IMMP2L: variants seen among roughly 807,000 people sequenced by gnomAD.
IMMP2L encodes the protein inner mitochondrial membrane peptidase subunit 2.
A neutral mutation model predicts 19.3 loss-of-function variants in IMMP2L; 18 were observed. The ratio of observed to expected loss-of-function variants is 0.93; its 90% CI spans 0.64 to 1.38. The LOEUF is 1.38. IMMP2L is among the 40% of genes most tolerant of loss of function. The pLI is 0.00. For missense variants in IMMP2L, 233 were observed against 218.2 expected (o/e 1.07, Z -0.43); for synonymous variants, 76 against 73.0 (o/e 1.04, Z -0.21).
chr7:110,843,840 G>A (rs1301618925), intron 5 of IMMP2L, among the ~76,000 whole-genome samples: 1 of 152,130 alleles, frequency 6.6e-6, no homozygotes, highest in Non-Finnish European at 1.5e-5. Flanking sequence ...GAATATTCTG[G>A]ACTAAGGAAG....
intron 4 of IMMP2L, among the ~76,000 whole-genome samples, chr7:110,911,571 T>A (rs1023371674): frequency 6.6e-6 from 1 of 152,136 alleles, no homozygotes; most frequent in African/African-American, 2.4e-5. Flanking sequence ...TAAGAACTCC[T>A]AATAATCCAA....
intron 3 of IMMP2L, among the ~76,000 whole-genome samples, chr7:111,021,114 T>C (rs1432054339): frequency 1.3e-5 from 2 of 152,180 alleles, no homozygotes; most frequent in Non-Finnish European, 2.9e-5. Context: ...AGAATAACAC[T>C]GCTCAATATA....
intron 3 of IMMP2L, among the ~76,000 whole-genome samples, chr7:111,437,944 G>C (rs1288463650): frequency 6.6e-6 from 1 of 151,856 alleles, no homozygotes; most frequent in Non-Finnish European, 1.5e-5. Context: ...TAACAGTTCT[G>C]TGTCCTCCCT....
chr7:111,156,341 A>G (rs1804642533), intron 3 of IMMP2L, among the ~76,000 whole-genome samples: 1 of 152,102 alleles, frequency 6.6e-6, no homozygotes, highest in Non-Finnish European at 1.5e-5. Context: ...TAGTTGCTCC[A>G]CATCTTCCCT....
At chr7:111,269,576 C>T (rs2130205722) in intron 3 of IMMP2L, among the ~76,000 whole-genome samples, 1 of 151,770 alleles carries the variant, frequency 6.6e-6, no homozygotes, top group Non-Finnish European at 1.5e-5. Context: ...ACTATGAATA[C>T]AGTATTTTCT....
chr7:110,889,189 A>T (rs1181963036), intron 4 of IMMP2L, among the ~76,000 whole-genome samples: 1 of 152,114 alleles, frequency 6.6e-6, no homozygotes, highest in Non-Finnish European at 1.5e-5. Flanking sequence ...TTTTTCATGG[A>T]CCAGGGTGGA....
chr7:110,916,659 T>G (rs578163131), intron 4 of IMMP2L, among the ~76,000 whole-genome samples: 5 of 152,356 alleles, frequency 3.3e-5, no homozygotes, highest in Admixed American at 3.3e-4. Flanking sequence ...CTGGCAGGAA[T>G]GCCAAATAAT....
At chr7:110,952,450 G>A (rs1817929357) in intron 4 of IMMP2L, among the ~76,000 whole-genome samples, 1 of 152,108 alleles carries the variant, frequency 6.6e-6, no homozygotes, top group South Asian at 2.1e-4. Flanking sequence ...GCACTAACCA[G>A]CTCCAAGTGT....
rs1811595169 is a variant in IMMP2L, at chr7:111,213,813, A to T, written c.240-250248T>A. ...TTGAAGGAATGACCTGCCTGCGGAG[A>T]GCTATCCAACGTGGGTCTCCTCGGA... On this transcript the variant is annotated intron_variant, in intron 3 of 5. Transcript: ENST00000405709. The surrounding 1 kb of genome is among the most constrained non-coding windows in gnomAD (Gnocchi z 4.8). Among the ~76,000 whole-genome samples, 1 of 152,134 alleles carries T rather than the reference A, an allele frequency of 6.6e-6. No homozygotes were observed.
chr7:111,042,182 G>GT (rs771799957), intron 3 of IMMP2L, among the ~76,000 whole-genome samples: 1 of 151,834 alleles, frequency 6.6e-6, no homozygotes. Flanking sequence ...ACCATTTAAA[G>GT]TTTTTTCTTT....
intron 5 of IMMP2L, among the ~76,000 whole-genome samples, chr7:110,873,707 G>C (rs1382483053): frequency 6.6e-6 from 1 of 151,162 alleles, no homozygotes; most frequent in African/African-American, 2.4e-5. Flanking sequence ...CCAGGAGGCG[G>C]AGGTTGCAGT....
chr7:111,446,636 A>G (rs1323557837), intron 3 of IMMP2L, among the ~76,000 whole-genome samples: 2 of 152,184 alleles, frequency 1.3e-5, no homozygotes, highest in East Asian at 3.8e-4. Context: ...TGGAAACTCT[A>G]AAACACAGAG....
intron 3 of IMMP2L, among the ~76,000 whole-genome samples, chr7:111,043,839 C>T (rs1792124387): frequency 6.6e-6 from 1 of 152,198 alleles, no homozygotes; most frequent in South Asian, 2.1e-4. Flanking sequence ...CAGTTGTGGA[C>T]AGGAATATTA....
At chr7:110,930,144 T>C (rs1157101475) in intron 4 of IMMP2L, among the ~76,000 whole-genome samples, 1 of 152,172 alleles carries the variant, frequency 6.6e-6, no homozygotes, top group Non-Finnish European at 1.5e-5. Flanking sequence ...TGCTTTAACA[T>C]GGCACAACAA....
At chr7:110,895,665 A>G (rs1340930758) in intron 4 of IMMP2L, among the ~76,000 whole-genome samples, 1 of 152,182 alleles carries the variant, frequency 6.6e-6, no homozygotes, top group Non-Finnish European at 1.5e-5. Context: ...TGAACATAGC[A>G]TATCTTTCCA....
intron 3 of IMMP2L, among the ~76,000 whole-genome samples, chr7:111,325,138 A>G (rs374361590): frequency 2.6e-5 from 4 of 151,884 alleles, no homozygotes; most frequent in African/African-American, 9.6e-5. Flanking sequence ...GTTAATCCAC[A>G]AAAAAGAAAT....
intron 3 of IMMP2L, among the ~76,000 whole-genome samples, chr7:111,326,732 T>C (rs1825357263): frequency 6.6e-6 from 1 of 151,798 alleles, no homozygotes; most frequent in East Asian, 1.9e-4. Flanking sequence ...ACTGGAACCC[T>C]TATGCACTGT....
intron 3 of IMMP2L, among the ~76,000 whole-genome samples, chr7:111,169,529 C>T (rs569448093): frequency 5.9e-5 from 9 of 151,830 alleles, no homozygotes; most frequent in Non-Finnish European, 8.8e-5. Flanking sequence ...ACATGTCCCA[C>T]GCCTCTCTCT....
chr7:111,366,553 A>G (rs1009849873), intron 3 of IMMP2L, among the ~76,000 whole-genome samples: 2 of 151,978 alleles, frequency 1.3e-5, no homozygotes, highest in Non-Finnish European at 2.9e-5. Context: ...ATTACTAGGT[A>G]CACTGACAAA....
Sources: allele counts gnomAD v4.1 joint callset (sites outside exome capture counted in the v4.1 genomes callset), GRCh38; gene constraint gnomAD v4.1.1; non-coding constraint Gnocchi (gnomAD v3.1); transcripts MANE v1.5; gene names NCBI Gene and HGNC (gene_info 2026-07-23, HGNC 2026-07-21).